RFTN1: variants seen among roughly 807,000 people sequenced by gnomAD.
RFTN1 encodes the protein raftlin.
A neutral mutation model predicts 46.5 loss-of-function variants in RFTN1; 26 were observed. That is an observed-to-expected ratio of 0.56 (90% CI 0.41 to 0.78). The LOEUF is 0.78. Among genes scored for constraint, RFTN1 ranks in the 30% least tolerant of loss-of-function variants. RFTN1 has a pLI of 0.00. For missense variants in RFTN1, 693 were observed against 718.7 expected (o/e 0.96, Z 0.41); for synonymous variants, 261 against 284.2 (o/e 0.92, Z 0.82).
In RFTN1 at chr3:16,343,584, C is replaced by CT. The variant is rs1423410544; in HGVS notation, c.1146+14347dup. On this transcript the variant is annotated intron_variant, in intron 7 of 9. Transcript: ENST00000334133. ...GGTGGTCATGGTGGAACCTAAGACT[C>CT]TAAGTCAGCCAGCACTGGACTGAAG... 8.5e-5 allele frequency among the ~76,000 whole-genome samples: 13 copies of CT among 152,320 alleles called. No individual in the cohort carries two copies. In the East Asian group the frequency reaches 1.5e-3, roughly 18 times the overall value.
rs912048190 is a variant in RFTN1, at chr3:16,473,329, G to GT, written c.145+20395dup. Among the ~76,000 whole-genome samples, 2 of 152,044 alleles carry GT rather than the reference G, an allele frequency of 1.3e-5. No individual in the cohort carries two copies. The highest frequency in any genetic ancestry group is 2.9e-5 in the Non-Finnish European group (2 of 67,998). On this transcript the variant is annotated intron_variant, in intron 2 of 9. Coordinates refer to ENST00000334133, the MANE Select transcript of RFTN1 (RefSeq NM_015150.2). The surrounding 1 kb of genome is among the most constrained non-coding windows in gnomAD (Gnocchi z 5.3). ...CTTATCACACCTATTGAAAAATCCAGTAAGACTTGAAGTACCTTCCTGTCA... is the reference window on the plus strand; with the variant it reads ...CTTATCACACCTATTGAAAAATCCAGTTAAGACTTGAAGTACCTTCCTGTCA...
chr3:16,357,920 C>G lies in RFTN1; in HGVS notation c.1146+12G>C, dbSNP rs369471236. 2.9e-4 allele frequency: 443 copies of G among 1,549,848 alleles called. No individual in the cohort carries two copies. The highest frequency in any genetic ancestry group is 3.8e-4 in the Non-Finnish European group (428 of 1,122,526). ...TAAACAAAAGAAGCGGGGCTGCCAA[C>G]CCCACACTTACTTCCAGGACTGTCC... On this transcript the variant is annotated intron_variant, in intron 7 of 9. Transcript: ENST00000334133.
intron 4 of RFTN1, among the ~76,000 whole-genome samples, chr3:16,389,807 C>T (rs1369420565): frequency 6.6e-6 from 1 of 152,204 alleles, no homozygotes; most frequent in Non-Finnish European, 1.5e-5. Context: ...CCCATGTCCC[C>T]TGTACTTCAA....
rs2069808911 is a variant in RFTN1, at chr3:16,327,340, A to G, written c.1147-464T>C. Among the ~76,000 whole-genome samples the G allele has an allele frequency of 6.6e-6, 1 of 152,122 alleles. No individual in the cohort carries two copies. The highest frequency in any genetic ancestry group is 1.5e-5 in the Non-Finnish European group (1 of 68,004). ...CAGCAACACACACATGCACATCCACATGTGTGTGTACACGCAGAAGCTGCT... is the reference window on the plus strand; with the variant it reads ...CAGCAACACACACATGCACATCCACGTGTGTGTGTACACGCAGAAGCTGCT... On this transcript the variant is annotated intron_variant, in intron 7 of 9. Transcript: ENST00000334133. The surrounding 1 kb of genome is among the most constrained non-coding windows in gnomAD (Gnocchi z 4.2).
chr3:16,322,623 A>G lies in RFTN1; in HGVS notation c.1332+753T>C, dbSNP rs1245514314. 1.3e-5 allele frequency among the ~76,000 whole-genome samples: 2 copies of G among 152,204 alleles called. No individual in the cohort carries two copies. Among genetic ancestry groups the G allele is most frequent in the Non-Finnish European group, 2.9e-5 (2 of 68,030 alleles). Reference sequence around the variant, plus strand: ...TGAAAATGTCCTCAGGAAAAGCACCACAGGCTGCTCAGGGTGGGGTGGGAA... The same window carrying G: ...TGAAAATGTCCTCAGGAAAAGCACCGCAGGCTGCTCAGGGTGGGGTGGGAA... On this transcript the variant is annotated intron_variant, in intron 9 of 9. Coordinates refer to ENST00000334133, the MANE Select transcript of RFTN1 (RefSeq NM_015150.2). This position sits in a 1 kb window ranked among gnomAD's most constrained non-coding sequence, Gnocchi z 6.2.
chr3:16,468,306 C>T lies in RFTN1; in HGVS notation c.145+25419G>A, dbSNP rs36020220. 1.5e-4 allele frequency among the ~76,000 whole-genome samples: 23 copies of T among 152,190 alleles called. No homozygotes were observed. The highest frequency in any genetic ancestry group is 4.1e-4 in the African/African-American group (17 of 41,548). On this transcript the variant is annotated intron_variant, in intron 2 of 9. Transcript: ENST00000334133. This position sits in a 1 kb window ranked among gnomAD's most constrained non-coding sequence, Gnocchi z 4.4. ...GAGTTCCCAAACCCTCACTGTCGTT[C>T]GTTTTTGAAGTACCTGCATTCTGTC...
intron 5 of RFTN1, among the ~76,000 whole-genome samples, chr3:16,373,894 G>A (rs1311009320): frequency 2.0e-5 from 3 of 152,128 alleles, no homozygotes; most frequent in African/African-American, 7.2e-5. Flanking sequence ...AGGGTAGAAG[G>A]GCCCCAGGCT....
At chr3:16,330,035 A>G (rs1450796793) in intron 7 of RFTN1, among the ~76,000 whole-genome samples, 1 of 152,200 alleles carries the variant, frequency 6.6e-6, no homozygotes, top group Admixed American at 6.5e-5. Context: ...TAAAGAAAAA[A>G]TCAGCAGGAT....
intron 1 of RFTN1, among the ~76,000 whole-genome samples, chr3:16,510,955 A>G (rs1224003889): frequency 1.3e-5 from 2 of 152,242 alleles, no homozygotes; most frequent in Non-Finnish European, 2.9e-5. Flanking sequence ...ACTCCGGAAC[A>G]TAAGTCAGCA....
chr3:16,424,960 T>C lies in RFTN1; in HGVS notation c.332+8891A>G, dbSNP rs551814490. 1.3e-5 allele frequency among the ~76,000 whole-genome samples: 2 copies of C among 152,196 alleles called. No homozygotes were observed. Among genetic ancestry groups the C allele is most frequent in the East Asian group, 3.9e-4 (2 of 5,182 alleles). On this transcript the variant is annotated intron_variant, in intron 3 of 9. Coordinates refer to ENST00000334133, the MANE Select transcript of RFTN1 (RefSeq NM_015150.2). The surrounding 1 kb of genome is among the most constrained non-coding windows in gnomAD (Gnocchi z 4.7). ...AACACACAAAAAAAATCTAAGTTACTTCTGATTGACAAAGAGGAAAAAATG... is the reference window on the plus strand; with the variant it reads ...AACACACAAAAAAAATCTAAGTTACCTCTGATTGACAAAGAGGAAAAAATG...
rs915285399 is a variant in RFTN1, at chr3:16,382,256, C to T, written c.442-4154G>A. Among the ~76,000 whole-genome samples, 4 of 152,112 alleles carry T rather than the reference C, an allele frequency of 2.6e-5. No homozygotes were observed. The highest frequency in any genetic ancestry group is 9.7e-5 in the African/African-American group (4 of 41,420). The stretch of plus-strand genomic sequence containing the variant: ...GGGTGCGTAGTCCTTTTTAACTAGA[C>T]GACCACATTTAGATTTTATGAAGAT... On this transcript the variant is annotated intron_variant, in intron 4 of 9. Coordinates refer to ENST00000334133, the MANE Select transcript of RFTN1 (RefSeq NM_015150.2). The surrounding 1 kb of genome is among the most constrained non-coding windows in gnomAD (Gnocchi z 4.7).
intron 4 of RFTN1, among the ~76,000 whole-genome samples, chr3:16,406,608 G>A (rs2074863815): frequency 6.6e-6 from 1 of 152,104 alleles, no homozygotes; most frequent in Non-Finnish European, 1.5e-5. Flanking sequence ...ATGATACGAT[G>A]GGCTTTAAAG....
chr3:16,439,630 C>A (rs1448791812), intron 2 of RFTN1, among the ~76,000 whole-genome samples: 5 of 152,134 alleles, frequency 3.3e-5, no homozygotes, highest in Non-Finnish European at 7.4e-5. Context: ...AAGAGTTCCC[C>A]CAAACCAGAG....
intron 5 of RFTN1, among the ~76,000 whole-genome samples, chr3:16,371,406 C>T (rs1367097145): frequency 1.3e-5 from 2 of 151,716 alleles, no homozygotes; most frequent in African/African-American, 4.9e-5. Flanking sequence ...TTTAAACAAA[C>T]ACATTTTTTT....
chr3:16,501,152 C>T (rs537559520), intron 1 of RFTN1, among the ~76,000 whole-genome samples: 6 of 152,292 alleles, frequency 3.9e-5, no homozygotes, highest in East Asian at 3.9e-4. Flanking sequence ...AACACACACA[C>T]GCACACACAC....
At position 16,460,657 on chromosome 3, in the gene RFTN1, T is replaced by C. The variant is rs1235929014; in HGVS notation, c.146-26620A>G. ...TCCTTTTTTGGTGAGGGTAGAAATATCATGTAAGAGGCCTGTTATACAGAT... is the reference window on the plus strand; with the variant it reads ...TCCTTTTTTGGTGAGGGTAGAAATACCATGTAAGAGGCCTGTTATACAGAT... On this transcript the variant is annotated intron_variant, in intron 2 of 9. Coordinates refer to ENST00000334133, the MANE Select transcript of RFTN1 (RefSeq NM_015150.2). This position sits in a 1 kb window ranked among gnomAD's most constrained non-coding sequence, Gnocchi z 4.8. 6.6e-6 allele frequency among the ~76,000 whole-genome samples: 1 copy of C among 152,180 alleles called. No homozygotes were observed. Among genetic ancestry groups the C allele is most frequent in the Non-Finnish European group, 1.5e-5 (1 of 68,040 alleles).
In RFTN1 at chr3:16,376,450, T is replaced by C. The variant is rs2073776240; in HGVS notation, c.826+1268A>G. On this transcript the variant is annotated intron_variant, in intron 5 of 9. Coordinates refer to ENST00000334133, the MANE Select transcript of RFTN1 (RefSeq NM_015150.2). The surrounding 1 kb of genome is among the most constrained non-coding windows in gnomAD (Gnocchi z 4.7). ...CCTGGACCGTACAGAAGGACTCCAG[T>C]GAGGTCCATCTTCCTGCCCAGGATT... Among the ~76,000 whole-genome samples, 1 of 152,068 alleles carries C rather than the reference T, an allele frequency of 6.6e-6. No individual in the cohort carries two copies.
rs1376051679 is a variant in RFTN1, at chr3:16,352,749, C to T, written c.1146+5183G>A. ...TTCACAACTTTTTAATATATTTTCT[C>T]TTTTAATTCTCATCAATTTTGAGAG... On this transcript the variant is annotated intron_variant, in intron 7 of 9. Coordinates refer to ENST00000334133, the MANE Select transcript of RFTN1 (RefSeq NM_015150.2). This position sits in a 1 kb window ranked among gnomAD's most constrained non-coding sequence, Gnocchi z 4.6. Among the ~76,000 whole-genome samples the T allele has an allele frequency of 6.6e-6, 1 of 152,192 alleles. No homozygotes were observed. The highest frequency in any genetic ancestry group is 1.5e-5 in the Non-Finnish European group (1 of 68,036).
intron 1 of RFTN1, among the ~76,000 whole-genome samples, chr3:16,508,696 GCACACA>G (rs3029330): frequency 2.4e-3 from 156 of 65,790 alleles, no homozygotes; most frequent in Non-Finnish European, 3.5e-3. Flanking sequence ...TCACACGCAC[GCACACA>G]CACACACACA....
Sources: gnomAD v4.1 joint callset for allele counts (sites outside exome capture counted in the v4.1 genomes callset) on GRCh38, gnomAD v4.1.1 for gene constraint, Gnocchi (gnomAD v3.1) non-coding constraint, MANE v1.5 for transcripts, NCBI Gene and HGNC (gene_info 2026-07-23, HGNC 2026-07-21) for gene names.